CMTM1: variants seen among roughly 807,000 people sequenced by gnomAD.
CMTM1 encodes CKLF-like MARVEL transmembrane domain-containing protein 1.
In CMTM1, 16 loss-of-function variants were observed where a neutral mutation model predicts 17.8. That is an observed-to-expected ratio of 0.90 (90% CI 0.61 to 1.37). CMTM1 has a LOEUF of 1.37. Among genes scored for constraint, CMTM1 ranks in the 40% most tolerant of loss-of-function variants. CMTM1 has a pLI of 0.00. For missense variants in CMTM1, 354 were observed against 375.6 expected, an observed-to-expected ratio of 0.94 and a Z score of 0.47; for synonymous variants, 169 against 154.6, an observed-to-expected ratio of 1.09 and a Z score of -0.69.
chr16:66,578,215 C>A (rs1344505591), intron 3 of CMTM1, among the ~76,000 whole-genome samples: 31 of 152,192 alleles, frequency 2.0e-4, no homozygotes, highest in Admixed American at 2.0e-3. Flanking sequence ...CCATTTCTTA[C>A]CTGGATGGCA....
intron 2 of CMTM1, chr16:66,575,401 C>A: frequency 5.3e-6 from 1 of 190,390 alleles, no homozygotes; most frequent in Non-Finnish European, 9.7e-6. Flanking sequence ...AAAATACGCC[C>A]AATCTAGGAA....
intron 3 of CMTM1, among the ~76,000 whole-genome samples, chr16:66,578,547 A>C (rs1012493449): frequency 6.6e-6 from 1 of 152,150 alleles, no homozygotes; most frequent in African/African-American, 2.4e-5. Flanking sequence ...ACCTGCAGCC[A>C]CCTAGGGCCA....
intron 2 of CMTM1, among the ~76,000 whole-genome samples, chr16:66,575,871 C>T (rs2014169511): frequency 6.6e-6 from 1 of 152,250 alleles, no homozygotes. Context: ...AGACCATCAA[C>T]ACTCAAAGAC....
rs1215249427 is a variant in CMTM1, at chr16:66,579,042, T to G, written c.*41T>G. The G allele has an allele frequency of 2.5e-6, 4 of 1,600,308 alleles. No homozygotes were observed. The highest frequency in any genetic ancestry group is 3.4e-6 in the Non-Finnish European group (4 of 1,174,564). On this transcript the variant is annotated 3_prime_UTR_variant, in exon 4 of 4. Coordinates refer to ENST00000379500, the MANE Select transcript of CMTM1 (RefSeq NM_052999.4). The surrounding 1 kb of genome is among the most constrained non-coding windows in gnomAD (Gnocchi z 6.5). The stretch of plus-strand genomic sequence containing the variant: ...CTAGCAGATGCACGTGTCTGTCGAA[T>G]CGCTGCCTCCGAGCCCACCCCCGAG...
At chr16:66,574,536 A>G (rs1597172921) in intron 2 of CMTM1, among the ~76,000 whole-genome samples, 1 of 152,366 alleles carries the variant, frequency 6.6e-6, no homozygotes, top group South Asian at 2.1e-4. Flanking sequence ...TAAGTGCTCA[A>G]TAAATGTGAG....
At chr16:66,570,302 T>C (rs1461906772) in intron 2 of CMTM1, among the ~76,000 whole-genome samples, 1 of 152,092 alleles carries the variant, frequency 6.6e-6, no homozygotes, top group African/African-American at 2.4e-5. Flanking sequence ...CAGCCCTGAG[T>C]GTAAAACCCC....
intron 1 of CMTM1, 183 bp downstream of exon 1, chr16:66,567,128 C>T (rs2012587192): frequency 1.5e-6 from 1 of 672,432 alleles, no homozygotes; most frequent in East Asian, 2.7e-5. Flanking sequence ...TCCTACTAAA[C>T]TTGCCTCTTT....
Position 66,566,576 on chromosome 16 carries a change from G to A in CMTM1, c.63G>A (p.Pro21=), listed in dbSNP as rs7193473. 249,149 of 1,613,750 alleles carry A rather than the reference G, an allele frequency of 0.15. 27,816 individuals carry two copies. The highest frequency in any genetic ancestry group is 0.53 in the African/African-American group (39,550 of 74,874). ...CACCTTCAGGGAACTTGAAACAACC[G>A]GAGACTGCCGCAGCCCTGGCAAGTA... ...SEAPSGNLKQ[P]ETAAALASSG... is the part of the protein sequence containing the mutation. Residue 21 remains proline, a synonymous_variant, in exon 1 of 4, where the codon CCG becomes CCA. Transcript: ENST00000379500. This position sits in a 1 kb window ranked among gnomAD's most constrained non-coding sequence, Gnocchi z 4.9.
At chr16:66,569,112 G>A (rs2013097172) in intron 1 of CMTM1, among the ~76,000 whole-genome samples, 1 of 152,116 alleles carries the variant, frequency 6.6e-6, no homozygotes, top group African/African-American at 2.4e-5. Context: ...CTAAAAATAA[G>A]TGAAATGTGA....
At position 66,566,678 on chromosome 16, in the gene CMTM1, A is replaced by C; in HGVS notation, c.165A>C (p.Ala55=). The change falls in exon 1 of 4, where the codon GCA becomes GCC. Residue 55 remains alanine (A), a synonymous_variant. Transcript: ENST00000379500. This position sits in a 1 kb window ranked among gnomAD's most constrained non-coding sequence, Gnocchi z 4.9. ...AGACCGCACCCCGGAAGCACCCCGC[A>C]GTCTCAATTCGCAGTGCGCAGTCCG... ...SAKTAPRKHP[A]VSIRSAQSAA... is the part of the protein sequence containing the mutation. The C allele has an allele frequency of 6.2e-7, 1 of 1,614,076 alleles. No homozygotes were observed. The highest frequency in any genetic ancestry group is 8.5e-7 in the Non-Finnish European group (1 of 1,179,994).
chr16:66,574,869 T>G, intron 2 of CMTM1: 1 of 782,440 alleles, frequency 1.3e-6, no homozygotes, highest in Non-Finnish European at 1.6e-6. Context: ...CTTTTGAAGT[T>G]TATACTCTGC....
Position 66,579,091 on chromosome 16 carries a change from G to T in CMTM1, c.*90G>T. 1 of 1,499,042 alleles carries T rather than the reference G, an allele frequency of 6.7e-7. No individual in the cohort carries two copies. The highest frequency in any genetic ancestry group is 8.9e-7 in the Non-Finnish European group (1 of 1,122,720). The allele number at this position is 1,499,042 out of a possible 1,614,324, so 92.9% of individuals were successfully genotyped here. A position where few individuals can be genotyped will look rare whatever the true frequency, so the allele number is the denominator to read the frequency against. On this transcript the variant is annotated 3_prime_UTR_variant, in exon 4 of 4. Transcript: ENST00000379500. The surrounding 1 kb of genome is among the most constrained non-coding windows in gnomAD (Gnocchi z 6.5). ...AGCTCGCATGCTGTCACCCATTCCA[G>T]CCTAAATGTGACCATAAAATTAGGG...
At position 66,579,112 on chromosome 16, in the gene CMTM1, T is replaced by C; in HGVS notation, c.*111T>C. 2 of 1,391,086 alleles carry C rather than the reference T, an allele frequency of 1.4e-6. No homozygotes were observed. The highest frequency in any genetic ancestry group is 2.5e-5 in the Admixed American group (1 of 39,448). The allele number at this position is 1,391,086 out of a possible 1,614,324, so 86.2% of individuals were successfully genotyped here. On this transcript the variant is annotated 3_prime_UTR_variant, in exon 4 of 4. Transcript: ENST00000379500. The surrounding 1 kb of genome is among the most constrained non-coding windows in gnomAD (Gnocchi z 6.5). The stretch of plus-strand genomic sequence containing the variant: ...TCCAGCCTAAATGTGACCATAAAAT[T>C]AGGGCTGCTGCTTTTATCGAGAACA...
rs555920952 is a variant in CMTM1, at chr16:66,573,531, G to C, written c.591+3437G>C. On this transcript the variant is annotated intron_variant, in intron 2 of 3. Coordinates refer to ENST00000379500, the MANE Select transcript of CMTM1 (RefSeq NM_052999.4). ...AAGCAGATGTTTTTGCCAACAGAAA[G>C]CAATTTTTTAAAAGGAATAAACATT... Among the ~76,000 whole-genome samples the C allele has an allele frequency of 2.0e-5, 3 of 152,168 alleles. No individual in the cohort carries two copies. The East Asian group carries it at 5.8e-4, about 29-fold the overall frequency.
Position 66,578,917 on chromosome 16 carries a change from G to A in CMTM1, c.777G>A (p.Leu259=). The part of the protein sequence containing the change: ...TKMRTNLKRF[L]GVEVERKLSP... ...TGAGGACCAACTTGAAAAGATTCCT[G>A]GGAGTCGAAGTTGAAAGGAAGCTTT... The change falls in exon 4 of 4, where the codon CTG becomes CTA. Residue 259 remains leucine, a synonymous_variant. Transcript: ENST00000379500. 1.2e-6 allele frequency: 2 copies of A among 1,614,182 alleles called. No homozygotes were observed. The highest frequency in any genetic ancestry group is 1.7e-6 in the Non-Finnish European group (2 of 1,180,044).
intron 1 of CMTM1, among the ~76,000 whole-genome samples, chr16:66,568,517 G>T (rs2012966723): frequency 6.6e-6 from 1 of 152,084 alleles, no homozygotes. Context: ...TAAATGAGGG[G>T]AAAAATGATG....
At chr16:66,571,925 A>G (rs1230947858) in intron 2 of CMTM1, among the ~76,000 whole-genome samples, 1 of 152,274 alleles carries the variant, frequency 6.6e-6, no homozygotes, top group African/African-American at 2.4e-5. Flanking sequence ...GTCCTATGAG[A>G]GAACCTGTTC....
Position 66,578,820 on chromosome 16 carries a change from G to C in CMTM1, c.691-11G>C. 1.2e-6 allele frequency: 2 copies of C among 1,613,790 alleles called. No homozygotes were observed. Among genetic ancestry groups the C allele is most frequent in the African/African-American group, 2.7e-5 (2 of 75,038 alleles). On this transcript the variant is annotated splice_polypyrimidine_tract_variant and intron_variant, in intron 3 of 3. Transcript: ENST00000379500. Reference sequence around the variant, plus strand: ...GTCTTTCCTTCCCGCATATGGTCTTGTATCTGACAGTCCCTGTGTCTCACA... The same window carrying C: ...GTCTTTCCTTCCCGCATATGGTCTTCTATCTGACAGTCCCTGTGTCTCACA...
chr16:66,570,285 G>A (rs555197974), intron 2 of CMTM1, among the ~76,000 whole-genome samples, 191 bp downstream of exon 2: 7 of 152,120 alleles, frequency 4.6e-5, no homozygotes, highest in Non-Finnish European at 8.8e-5. Context: ...CCAACACACC[G>A]CTGCTCCAGC....
Sources: allele counts gnomAD v4.1 joint callset (sites outside exome capture counted in the v4.1 genomes callset), GRCh38; gene constraint gnomAD v4.1.1; non-coding constraint Gnocchi (gnomAD v3.1); transcripts MANE v1.5; gene names NCBI Gene and HGNC (gene_info 2026-07-23, HGNC 2026-07-21).